The following GYPB variants were observed in gnomAD, a reference collection of about 807,000 sequenced individuals.
The protein encoded by GYPB is glycophorin-B.
GYPB carries 13 observed loss-of-function variants against 15.3 expected under a neutral mutation model. The ratio of observed to expected loss-of-function variants is 0.85; its 90% confidence interval spans 0.55 to 1.35. The LOEUF (loss-of-function observed/expected upper bound fraction) is 1.35, where lower values mean the gene tolerates loss of function less well. Among genes scored for constraint, GYPB ranks in the 40% most tolerant of loss-of-function variants. The pLI is 0.00. For missense variants in GYPB, 131 were observed against 108.3 expected (o/e 1.21, Z -0.93); for synonymous variants, 38 against 36.9 (o/e 1.03, Z -0.11).
intron 4 of GYPB, chr4:143,997,297 T>C (rs1036924736): frequency 4.9e-5 from 18 of 370,294 alleles, no homozygotes; most frequent in Non-Finnish European, 8.5e-5. Flanking sequence ...AGACAAAAAC[T>C]TAGGGAGATC....
rs1405768970 is a variant in GYPB at position 144,011,079 on chromosome 4, G to C, written c.37+8172C>G. Among the ~76,000 whole-genome samples the C allele has an allele frequency of 7.9e-5, 12 of 151,544 alleles. 2 individuals carry two copies. Among genetic ancestry groups the C allele is most frequent in the African/African-American group, 2.9e-4 (12 of 40,820 alleles). On this transcript the variant is annotated intron_variant, in intron 1 of 4. Transcript: ENST00000502664. ...GTTAAAAGACAGAAACTTTTAGATT[G>C]AGTCAAAAGAGATAGGTTAGGACTG...
rs1727994446 is a variant in GYPB at position 144,007,711 on chromosome 4, C to A, written c.38-6428G>T. On this transcript the variant is annotated intron_variant, in intron 1 of 4. Coordinates refer to ENST00000502664, the MANE Select transcript of GYPB (RefSeq NM_002100.6). ...CTTTGCCATCAAATGGTTGGGGGATCTGTGAAAGTCTCTGAAATTATCTGA... is the reference window on the plus strand; with the variant it reads ...CTTTGCCATCAAATGGTTGGGGGATATGTGAAAGTCTCTGAAATTATCTGA... Among the ~76,000 whole-genome samples, 3 of 151,544 alleles carry A rather than the reference C, an allele frequency of 2.0e-5. 1 individual carries two copies. Among genetic ancestry groups the A allele is most frequent in the African/African-American group, 7.3e-5 (3 of 40,860 alleles).
intron 2 of GYPB, 51 bp downstream of exon 2, chr4:144,001,134 T>A (rs1461837856): frequency 6.2e-7 from 1 of 1,612,208 alleles, no homozygotes; most frequent in East Asian, 2.2e-5. Context: ...TAGGGTTGCA[T>A]CACAAAAATC....
chr4:144,001,075 G>A (rs549266123), intron 2 of GYPB, 110 bp downstream of exon 2: 26 of 1,566,772 alleles, frequency 1.7e-5, no homozygotes, highest in South Asian at 4.6e-5. Context: ...TACTTAGCTC[G>A]CATTTCTCAG....
intron 1 of GYPB, among the ~76,000 whole-genome samples, chr4:144,002,079 A>T (rs1441603356): frequency 6.6e-6 from 1 of 151,054 alleles, no homozygotes; most frequent in Non-Finnish European, 1.5e-5. Flanking sequence ...TTTGTAATTA[A>T]ACACTTTTTA....
intron 4 of GYPB, 24 bp from the exon 5 acceptor site, chr4:143,996,328 T>A (rs1370397310): frequency 9.7e-6 from 15 of 1,550,294 alleles, no homozygotes; most frequent in Non-Finnish European, 1.2e-5. Context: ...ACAAGAAGTT[T>A]CCACTTCAGC....
intron 1 of GYPB, among the ~76,000 whole-genome samples, chr4:144,011,646 G>A (rs893295956): frequency 1.3e-5 from 2 of 151,088 alleles, no homozygotes; most frequent in Non-Finnish European, 2.9e-5. Flanking sequence ...GATAGATCAA[G>A]AAAGCAAAAA....
intron 1 of GYPB, among the ~76,000 whole-genome samples, chr4:144,009,862 C>T (rs192694174): frequency 6.6e-6 from 1 of 150,912 alleles, no homozygotes; most frequent in East Asian, 1.9e-4. Context: ...ATCCGCCCAC[C>T]TCAGCCTCCC....
chr4:144,018,036 T>G (rs1368154759), intron 1 of GYPB, among the ~76,000 whole-genome samples: 1 of 151,360 alleles, frequency 6.6e-6, no homozygotes, highest in Non-Finnish European at 1.5e-5. Flanking sequence ...TATTTTAATA[T>G]TACTTATATT....
intron 2 of GYPB, among the ~76,000 whole-genome samples, chr4:144,000,753 A>G (rs1157876265): frequency 1.3e-5 from 2 of 151,088 alleles, no homozygotes; most frequent in Non-Finnish European, 2.9e-5. Flanking sequence ...ATGCTGTGAG[A>G]TAAGTACTGT....
At chr4:144,005,191 C>T (rs1253573468) in intron 1 of GYPB, among the ~76,000 whole-genome samples, 3 of 151,934 alleles carry the variant, frequency 2.0e-5, no homozygotes, top group South Asian at 4.1e-4. Flanking sequence ...GCCGACTTTA[C>T]AGATAGACAT....
Position 143,996,186 on chromosome 4 carries a change from C to T in GYPB, c.*113G>A. The stretch of plus-strand genomic sequence containing the variant: ...GCAGGAGAACAGGGAATTAGGATAG[C>T]CAGGGGTAGGGGCATAAGCAAAGGA... On this transcript the variant is annotated 3_prime_UTR_variant, in exon 5 of 5. Coordinates refer to ENST00000502664, the MANE Select transcript of GYPB (RefSeq NM_002100.6). 1.3e-6 allele frequency: 2 copies of T among 1,537,318 alleles called. No homozygotes were observed. The highest frequency in any genetic ancestry group is 8.8e-7 in the Non-Finnish European group (1 of 1,138,632).
intron 1 of GYPB, among the ~76,000 whole-genome samples, chr4:144,013,039 A>G (rs1728298378): frequency 6.6e-6 from 1 of 151,708 alleles, no homozygotes; most frequent in African/African-American, 2.4e-5. Flanking sequence ...AAAGATTTGC[A>G]AATAGTATAT....
intron 1 of GYPB, among the ~76,000 whole-genome samples, chr4:144,003,605 C>T (rs1727733601): frequency 6.6e-6 from 1 of 151,398 alleles, no homozygotes; most frequent in African/African-American, 2.5e-5. Flanking sequence ...AATTTTTAAG[C>T]AAAGTATATG....
intron 1 of GYPB, among the ~76,000 whole-genome samples, chr4:144,017,668 G>C (rs1220914269): frequency 6.6e-6 from 1 of 151,256 alleles, no homozygotes; most frequent in Non-Finnish European, 1.5e-5. Context: ...TGGGGCACTT[G>C]TAAGTCACAC....
intron 1 of GYPB, among the ~76,000 whole-genome samples, chr4:144,013,452 A>G (rs1197667399): frequency 6.6e-6 from 1 of 151,418 alleles, no homozygotes. Context: ...TCATGCTGCT[A>G]TAAAAACACA....
At chr4:144,002,490 G>C (rs1727677050) in intron 1 of GYPB, 1 of 709,422 alleles carries the variant, frequency 1.4e-6, no homozygotes, top group African/African-American at 1.9e-5. Flanking sequence ...CTCCTATTCT[G>C]TGCATTCATG....
Position 144,017,341 on chromosome 4 carries a change from AAAAAAAAAGAAAAAG to A in GYPB, c.37+1895_37+1909del, listed in dbSNP as rs1335034896. ...GCAATCGTCTTTTTTTCATAGCAAA[AAAAAAAAAGAAAAAG>A]AAAAAAAAAGAAAAAGACTTCACCA... is the stretch of plus-strand genomic sequence containing the variant. On this transcript the variant is annotated intron_variant, in intron 1 of 4. Transcript: ENST00000502664. Among the ~76,000 whole-genome samples, 1,327 of 150,032 alleles carry A rather than the reference AAAAAAAAAGAAAAAG, an allele frequency of 8.8e-3. 81 individuals carry two copies. Among genetic ancestry groups the A allele is most frequent in the African/African-American group, 0.032 (1,261 of 39,876 alleles).
chr4:144,004,375 G>A (rs1727779216), intron 1 of GYPB, among the ~76,000 whole-genome samples: 1 of 152,082 alleles, frequency 6.6e-6, no homozygotes, highest in Non-Finnish European at 1.5e-5. Flanking sequence ...TAATACCCAT[G>A]CTTGCTTAGT....
Sources: allele counts gnomAD v4.1 joint callset (sites outside exome capture counted in the v4.1 genomes callset), GRCh38; gene constraint gnomAD v4.1.1; transcripts MANE v1.5; gene names NCBI Gene and HGNC (gene_info 2026-07-23, HGNC 2026-07-21).